The following GRM8 variants were observed in gnomAD, a reference collection of about 807,000 sequenced individuals.
The protein encoded by GRM8 is glutamate metabotropic receptor 8.
In GRM8, 47 loss-of-function variants were observed where a neutral mutation model predicts 87.2. The observed-to-expected ratio is 0.54, with a 90% confidence interval of 0.43 to 0.69. The LOEUF (loss-of-function observed/expected upper bound fraction) is 0.69. GRM8 is among the 30% of genes least tolerant of loss of function. GRM8 has a pLI of 0.00. For synonymous variants in GRM8, 396 were observed against 404.5 expected (o/e 0.98, Z 0.25); for missense variants, 1,019 against 1,139.2 (o/e 0.89, Z 1.52).
At chr7:127,102,510 T>C (rs1397290688) in intron 3 of GRM8, among the ~76,000 whole-genome samples, 1 of 152,220 alleles carries the variant, frequency 6.6e-6, no homozygotes, top group Non-Finnish European at 1.5e-5. Flanking sequence ...CTCAGGACAC[T>C]GTTACCCACA....
intron 2 of GRM8, among the ~76,000 whole-genome samples, chr7:127,182,627 A>AATGTG (rs1794511682): frequency 7.0e-6 from 1 of 143,182 alleles, no homozygotes; most frequent in Non-Finnish European, 1.5e-5. Context: ...AGATAAAGAA[A>AATGTG]GTGTGGTGTG....
At chr7:126,497,585 T>A (rs987642938) in intron 9 of GRM8, among the ~76,000 whole-genome samples, 2 of 151,996 alleles carry the variant, frequency 1.3e-5, no homozygotes, top group African/African-American at 4.8e-5. Flanking sequence ...CTTGGCCTGT[T>A]GATGTCCTTG....
At chr7:127,071,609 C>A (rs1043935994) in intron 3 of GRM8, among the ~76,000 whole-genome samples, 3 of 152,162 alleles carry the variant, frequency 2.0e-5, no homozygotes. Context: ...GTGGAAATAA[C>A]CCTTCCTGGC....
intron 7 of GRM8, among the ~76,000 whole-genome samples, chr7:126,623,158 T>C (rs181708177): frequency 4.9e-4 from 75 of 152,266 alleles, no homozygotes; most frequent in African/African-American, 1.7e-3. Context: ...ATCATACTGA[T>C]CCATTAGCTT....
intron 7 of GRM8, among the ~76,000 whole-genome samples, chr7:126,739,656 C>T (rs1814710623): frequency 6.6e-6 from 1 of 152,010 alleles, no homozygotes; most frequent in Non-Finnish European, 1.5e-5. Context: ...GTGATCCTCC[C>T]ACAACCCCTT....
intron 6 of GRM8, among the ~76,000 whole-genome samples, chr7:126,859,530 C>T (rs1340587233): frequency 6.6e-6 from 1 of 152,194 alleles, no homozygotes; most frequent in Non-Finnish European, 1.5e-5. Context: ...GAAAAGTAGC[C>T]TGGATGATCC....
intron 8 of GRM8, among the ~76,000 whole-genome samples, chr7:126,537,592 C>T (rs1434841864): frequency 1.3e-5 from 2 of 152,030 alleles, no homozygotes; most frequent in South Asian, 2.1e-4. Flanking sequence ...CTGGCCAACA[C>T]GGTAAAACCC....
At chr7:126,973,922 A>C (rs1810690965) in intron 3 of GRM8, among the ~76,000 whole-genome samples, 1 of 152,188 alleles carries the variant, frequency 6.6e-6, no homozygotes, top group Non-Finnish European at 1.5e-5. Flanking sequence ...GAACAACATG[A>C]GGATTATGTA....
At chr7:127,077,390 T>G (rs934166328) in intron 3 of GRM8, among the ~76,000 whole-genome samples, 1 of 152,230 alleles carries the variant, frequency 6.6e-6, no homozygotes, top group Non-Finnish European at 1.5e-5. Context: ...TTGTTCTTCA[T>G]GTGCATCCAT....
chr7:126,587,872 G>A (rs1282973228), intron 8 of GRM8, among the ~76,000 whole-genome samples: 2 of 146,874 alleles, frequency 1.4e-5, no homozygotes, highest in Non-Finnish European at 3.0e-5. Context: ...AATATCTGAA[G>A]AGTTTACTAA....
intron 6 of GRM8, among the ~76,000 whole-genome samples, chr7:126,856,371 C>T (rs928928687): frequency 2.0e-5 from 3 of 151,834 alleles, no homozygotes; most frequent in African/African-American, 4.8e-5. Flanking sequence ...TTTTAACAAT[C>T]TGTTCTGAAG....
At chr7:126,768,995 T>C (rs575266415) in intron 7 of GRM8, among the ~76,000 whole-genome samples, 2 of 151,936 alleles carry the variant, frequency 1.3e-5, no homozygotes, top group Admixed American at 6.6e-5. Context: ...CGTGCTTTTC[T>C]GAGAAACGCT....
intron 3 of GRM8, among the ~76,000 whole-genome samples, chr7:127,035,792 G>C (rs551286099): frequency 6.6e-6 from 1 of 152,256 alleles, no homozygotes; most frequent in South Asian, 2.1e-4. Context: ...TCTTCCCGTA[G>C]AGGAGCCACA....
chr7:126,901,631 A>C (rs1802084688), intron 6 of GRM8, among the ~76,000 whole-genome samples: 1 of 152,130 alleles, frequency 6.6e-6, no homozygotes, highest in African/African-American at 2.4e-5. Flanking sequence ...CTATTTCCAA[A>C]GAAAGTGAGG....
At chr7:127,171,014 A>C (rs1303642295) in intron 2 of GRM8, among the ~76,000 whole-genome samples, 1 of 152,222 alleles carries the variant, frequency 6.6e-6, no homozygotes, top group Non-Finnish European at 1.5e-5. Context: ...AATTAAAAAA[A>C]CCATTCGTGA....
At chr7:127,016,137 C>T (rs541236320) in intron 3 of GRM8, among the ~76,000 whole-genome samples, 5 of 152,112 alleles carry the variant, frequency 3.3e-5, no homozygotes, top group African/African-American at 1.2e-4. Flanking sequence ...TTATTCTATC[C>T]TATTGGAAAA....
intron 2 of GRM8, among the ~76,000 whole-genome samples, chr7:127,212,939 T>A (rs1280416957): frequency 6.6e-6 from 1 of 152,240 alleles, no homozygotes. Flanking sequence ...AGGTCCTGAA[T>A]CTCCTCTGTA....
intron 2 of GRM8, among the ~76,000 whole-genome samples, chr7:127,167,457 C>T (rs1050641824): frequency 2.0e-5 from 3 of 152,030 alleles, no homozygotes; most frequent in Non-Finnish European, 4.4e-5. Flanking sequence ...CCATTTTTCA[C>T]AAATTTAAGG....
intron 9 of GRM8, among the ~76,000 whole-genome samples, chr7:126,474,713 G>A (rs1343415644): frequency 6.6e-6 from 1 of 152,152 alleles, no homozygotes; most frequent in Non-Finnish European, 1.5e-5. Context: ...GCTTGCAGGG[G>A]AGGGTTTTCC....
Sources: gnomAD v4.1 joint callset for allele counts (sites outside exome capture counted in the v4.1 genomes callset) on GRCh38, gnomAD v4.1.1 for gene constraint, MANE v1.5 for transcripts, NCBI Gene and HGNC (gene_info 2026-07-23, HGNC 2026-07-21) for gene names.